Variants in RAB3B observed in about 807,000 individuals in gnomAD.
RAB3B encodes the protein RAB3B, member RAS oncogene family.
Under a neutral mutation model 20.5 loss-of-function variants are expected in RAB3B, and 11 were observed. That is an observed-to-expected ratio of 0.54 (90% CI 0.34 to 0.89). The LOEUF (loss-of-function observed/expected upper bound fraction) is 0.89. RAB3B is among the 40% of genes least tolerant of loss of function. RAB3B has a pLI of 0.02. For missense variants in RAB3B, 225 were observed against 280.9 expected, an observed-to-expected ratio of 0.80 and a Z score of 1.42; for synonymous variants, 99 against 106.3, an observed-to-expected ratio of 0.93 and a Z score of 0.42.
At chr1:51,988,694 TA>T (rs1425481008) in intron 1 of RAB3B, among the ~76,000 whole-genome samples, 1 of 152,202 alleles carries the variant, frequency 6.6e-6, no homozygotes, top group Non-Finnish European at 1.5e-5. Flanking sequence ...ACCAAGCACC[TA>T]CTATGCACCA....
rs78420171 is a variant in RAB3B at position 51,924,245 on chromosome 1, G to A, written c.473-4131C>T. 3.2e-4 allele frequency among the ~76,000 whole-genome samples: 48 copies of A among 152,256 alleles called. No homozygotes were observed. The East Asian group carries it at 7.3e-3, about 23-fold the overall frequency. On this transcript the variant is annotated intron_variant, in intron 4 of 4. Transcript: ENST00000371655. ...AATCAGACACAGCCCTTACCTTTGA[G>A]GAGCCCCTAGTGTGTTATGGAAGAT...
At chr1:51,976,812 TG>T in intron 2 of RAB3B, 77 bp downstream of exon 2, 1 of 1,303,066 alleles carries the variant, frequency 7.7e-7, no homozygotes, top group Non-Finnish European at 1.1e-6. Context: ...AGTTCCAAGC[TG>T]GCCCCACCTC....
chr1:51,970,753 C>T (rs561229798), intron 2 of RAB3B, among the ~76,000 whole-genome samples: 1 of 151,932 alleles, frequency 6.6e-6, no homozygotes, highest in African/African-American at 2.4e-5. Context: ...CACCTATAAT[C>T]CCAGCACTTT....
chr1:51,937,126 T>C (rs946432120), intron 3 of RAB3B, among the ~76,000 whole-genome samples, 168 bp downstream of exon 3: 2 of 152,114 alleles, frequency 1.3e-5, no homozygotes, highest in Admixed American at 6.5e-5. Flanking sequence ...TCACATGATA[T>C]TTTCATTCCT....
At position 51,915,293 on chromosome 1, in the gene RAB3B, C is replaced by T. The variant is rs533580469; in HGVS notation, c.*4634G>A. On this transcript the variant is annotated 3_prime_UTR_variant, in exon 5 of 5. Transcript: ENST00000371655. ...TTATCTAGTGCTTAATAATGCTAGGCCCTAGTCGATAGTCAAATAGCTAAG... is the reference window on the plus strand; with the variant it reads ...TTATCTAGTGCTTAATAATGCTAGGTCCTAGTCGATAGTCAAATAGCTAAG... The T allele has an allele frequency of 6.6e-6, 1 of 152,084 alleles. No individual in the cohort carries two copies. The highest frequency in any genetic ancestry group is 2.4e-5 in the African/African-American group (1 of 41,470). The allele number at this position is 152,084 out of a possible 1,614,324, so 9.4% of individuals were successfully genotyped here.
intron 2 of RAB3B, among the ~76,000 whole-genome samples, chr1:51,971,094 C>A (rs1289977715): frequency 6.6e-6 from 1 of 151,822 alleles, no homozygotes; most frequent in Non-Finnish European, 1.5e-5. Context: ...AGGAAGGAAC[C>A]CAATATTTAT....
Position 51,932,282 on chromosome 1 carries a change from A to G in RAB3B, c.472+1036T>C, listed in dbSNP as rs187710480. On this transcript the variant is annotated intron_variant, in intron 4 of 4. Transcript: ENST00000371655. The stretch of plus-strand genomic sequence containing the variant: ...CTCTCCACTCCTCAATACTTACAAC[A>G]CTAAGGATGTGAGATATACTTAGGG... Among the ~76,000 whole-genome samples, 7 of 152,294 alleles carry G rather than the reference A, an allele frequency of 4.6e-5. No individual in the cohort carries two copies. The East Asian group carries it at 1.3e-3, about 29-fold the overall frequency.
At chr1:51,975,373 G>A (rs1684994117) in intron 2 of RAB3B, among the ~76,000 whole-genome samples, 1 of 151,976 alleles carries the variant, frequency 6.6e-6, no homozygotes, top group Non-Finnish European at 1.5e-5. Context: ...AGTACTATTG[G>A]CAGATACTAA....
At chr1:51,937,119 C>T (rs1684415304) in intron 3 of RAB3B, among the ~76,000 whole-genome samples, 175 bp downstream of exon 3, 1 of 152,112 alleles carries the variant, frequency 6.6e-6, no homozygotes, top group Non-Finnish European at 1.5e-5. Context: ...CGGCCTATCA[C>T]ATGATATTTT....
Position 51,912,542 on chromosome 1 carries a change from T to G in RAB3B, c.*7385A>C, listed in dbSNP as rs1357719518. ...GGCAACATAGCAAGACCGTCTCTAT[T>G]AAAAAAAAAAAAATATATATATATA... On this transcript the variant is annotated 3_prime_UTR_variant, in exon 5 of 5. Coordinates refer to ENST00000371655, the MANE Select transcript of RAB3B (RefSeq NM_002867.4). 4 of 6,390 alleles carry G rather than the reference T, an allele frequency of 6.3e-4. No individual in the cohort carries two copies. Among genetic ancestry groups the G allele is most frequent in the Non-Finnish European group, 9.3e-4 (4 of 4,312 alleles). The allele number at this position is 6,390 out of a possible 1,614,324, so 0.4% of individuals were successfully genotyped here. A position where few individuals can be genotyped will look rare whatever the true frequency, so the allele number is the denominator to read the frequency against.
chr1:51,962,420 T>G (rs1684796424), intron 2 of RAB3B, among the ~76,000 whole-genome samples: 2 of 152,190 alleles, frequency 1.3e-5, no homozygotes, highest in South Asian at 4.1e-4. Context: ...GAATGGCACT[T>G]TTGCCAGACT....
chr1:51,952,028 A>G (rs903500457), intron 2 of RAB3B, among the ~76,000 whole-genome samples: 3 of 152,190 alleles, frequency 2.0e-5, no homozygotes, highest in African/African-American at 4.8e-5. Context: ...ATTCATCACC[A>G]TTGCTTCTGG....
At chr1:51,957,949 C>T (rs1048765814) in intron 2 of RAB3B, among the ~76,000 whole-genome samples, 2 of 152,222 alleles carry the variant, frequency 1.3e-5, no homozygotes, top group African/African-American at 4.8e-5. Flanking sequence ...CATATTCTCT[C>T]CTCACAAAAT....
At chr1:51,939,551 T>C (rs1684460995) in intron 2 of RAB3B, among the ~76,000 whole-genome samples, 1 of 152,066 alleles carries the variant, frequency 6.6e-6, no homozygotes, top group South Asian at 2.1e-4. Flanking sequence ...GCCTGCAGAA[T>C]AGCTAGGACT....
intron 2 of RAB3B, among the ~76,000 whole-genome samples, chr1:51,959,444 C>T (rs747851017): frequency 4.6e-5 from 7 of 151,950 alleles, no homozygotes; most frequent in Non-Finnish European, 8.8e-5. Context: ...CCCAGGAGGT[C>T]GAGGCTGCAG....
At position 51,918,035 on chromosome 1, in the gene RAB3B, T is replaced by A. The variant is rs558562364; in HGVS notation, c.*1892A>T. ...TGGAATCACTGCCAGTTCCATGTCA[T>A]TATTTCAGCCAAAACAAAATATGTC... On this transcript the variant is annotated 3_prime_UTR_variant, in exon 5 of 5. Coordinates refer to ENST00000371655, the MANE Select transcript of RAB3B (RefSeq NM_002867.4). 6.6e-6 allele frequency: 1 copy of A among 152,344 alleles called. No homozygotes were observed. The highest frequency in any genetic ancestry group is 6.5e-5 in the Admixed American group (1 of 15,298). 9.4% of individuals were successfully genotyped at this position (152,344 alleles called of 1,614,324 possible).
chr1:51,976,783 T>A (rs932096905), intron 2 of RAB3B, 107 bp downstream of exon 2: 1 of 959,680 alleles, frequency 1.0e-6, no homozygotes, highest in African/African-American at 1.6e-5. Flanking sequence ...CATTAATGCC[T>A]GATGCTGTAA....
chr1:51,980,555 A>C, intron 1 of RAB3B: 1 of 749,458 alleles, frequency 1.3e-6, no homozygotes, highest in East Asian at 2.5e-5. Context: ...AACTGTGCCC[A>C]ATGTGTGCCC....
At chr1:51,950,087 G>A (rs1684618042) in intron 2 of RAB3B, among the ~76,000 whole-genome samples, 2 of 152,206 alleles carry the variant, frequency 1.3e-5, no homozygotes, top group South Asian at 4.1e-4. Context: ...CAGGTGAGGG[G>A]TGGGCCATGA....
Sources: gnomAD v4.1 joint callset for allele counts (sites outside exome capture counted in the v4.1 genomes callset) on GRCh38, gnomAD v4.1.1 for gene constraint, MANE v1.5 for transcripts, NCBI Gene and HGNC (gene_info 2026-07-23, HGNC 2026-07-21) for gene names.